DGKB: variants seen among roughly 807,000 people sequenced by gnomAD.
DGKB encodes 90 kDa diacylglycerol kinase.
DGKB carries 67 observed loss-of-function variants against 114.3 expected under a neutral mutation model. The ratio of observed to expected loss-of-function variants is 0.59; its 90% CI spans 0.48 to 0.72. DGKB has a LOEUF of 0.72. DGKB is among the 30% of genes least tolerant of loss of function. The pLI is 0.00. For synonymous variants in DGKB, 398 were observed against 323.1 expected (o/e 1.23, Z -2.49); for missense variants, 907 against 975.2 (o/e 0.93, Z 0.93).
At chr7:14,171,312 T>C (rs1285607637) in intron 25 of DGKB, among the ~76,000 whole-genome samples, 1 of 152,202 alleles carries the variant, frequency 6.6e-6, no homozygotes, top group East Asian at 1.9e-4. Context: ...GTATAATCTG[T>C]TCATGATTTC....
intron 1 of DGKB, among the ~76,000 whole-genome samples, chr7:14,916,567 G>C (rs1027728227): frequency 2.0e-5 from 3 of 152,062 alleles, no homozygotes; most frequent in Non-Finnish European, 4.4e-5. Flanking sequence ...CATTACATAA[G>C]GATGAAGTTG....
chr7:14,403,471 T>A lies in DGKB; in HGVS notation c.1836-58080A>T, dbSNP rs973938783. On this transcript the variant is annotated intron_variant, in intron 21 of 25. Coordinates refer to ENST00000402815, the MANE Select transcript of DGKB (RefSeq NM_001350709.2). Reference sequence around the variant, plus strand: ...ACATTCAATTTTCTTTATCTTCTCTTCCTCTCATTCTCCTATGATATATGT... The same window carrying A: ...ACATTCAATTTTCTTTATCTTCTCTACCTCTCATTCTCCTATGATATATGT... Among the ~76,000 whole-genome samples the A allele has an allele frequency of 1.2e-4, 18 of 152,028 alleles. No individual in the cohort carries two copies. In the South Asian group the frequency reaches 2.1e-3, roughly 18 times the overall value.
chr7:14,486,340 T>G (rs181969403), intron 20 of DGKB, among the ~76,000 whole-genome samples: 298 of 152,308 alleles, frequency 2.0e-3, no homozygotes, highest in African/African-American at 6.9e-3. Flanking sequence ...TCTTTTTAAA[T>G]GACTACCAAA....
chr7:14,501,900 G>A (rs1786241066), intron 20 of DGKB, among the ~76,000 whole-genome samples: 1 of 151,832 alleles, frequency 6.6e-6, no homozygotes. Context: ...TAAATAATGG[G>A]GTCTGGACTT....
intron 1 of DGKB, among the ~76,000 whole-genome samples, chr7:14,948,361 T>G (rs1727821906): frequency 6.6e-6 from 1 of 151,842 alleles, no homozygotes; most frequent in Admixed American, 6.6e-5. Context: ...AGCCTCTGCA[T>G]GAACTACAAC....
At chr7:14,524,599 T>C (rs776537927) in intron 20 of DGKB, among the ~76,000 whole-genome samples, 7 of 151,744 alleles carry the variant, frequency 4.6e-5, no homozygotes, top group African/African-American at 7.3e-5. Flanking sequence ...CTACTAAAAA[T>C]AGAAAAGTCA....
chr7:14,789,192 A>C (rs1161672497), intron 2 of DGKB, among the ~76,000 whole-genome samples: 1 of 152,086 alleles, frequency 6.6e-6, no homozygotes, highest in Non-Finnish European at 1.5e-5. Context: ...AATGTCTTGC[A>C]AAATTACAGT....
intron 21 of DGKB, among the ~76,000 whole-genome samples, chr7:14,415,338 T>C (rs1273959385): frequency 1.3e-5 from 2 of 152,148 alleles, no homozygotes; most frequent in African/African-American, 4.8e-5. Context: ...GTTACATATG[T>C]ATACATGTGC....
At chr7:14,491,014 T>C (rs1289577993) in intron 20 of DGKB, among the ~76,000 whole-genome samples, 1 of 151,994 alleles carries the variant, frequency 6.6e-6, no homozygotes, top group Non-Finnish European at 1.5e-5. Flanking sequence ...AGAATAGATC[T>C]GAGTTTAAGG....
At chr7:14,739,832 T>C (rs1832293642) in intron 4 of DGKB, among the ~76,000 whole-genome samples, 1 of 152,194 alleles carries the variant, frequency 6.6e-6, no homozygotes. Flanking sequence ...CCCAGGACTG[T>C]AATGGCACCT....
At chr7:14,310,035 G>A (rs1340812845) in intron 23 of DGKB, among the ~76,000 whole-genome samples, 1 of 152,164 alleles carries the variant, frequency 6.6e-6, no homozygotes, top group Non-Finnish European at 1.5e-5. Context: ...GAAAATTTAT[G>A]GCTCACATTG....
chr7:14,261,246 G>GAA (rs199583347), intron 23 of DGKB, among the ~76,000 whole-genome samples: 1 of 139,640 alleles, frequency 7.2e-6, no homozygotes, highest in African/African-American at 2.6e-5. Flanking sequence ...TCATTTCAGT[G>GAA]AAAAAAAAAA....
intron 1 of DGKB, among the ~76,000 whole-genome samples, chr7:14,935,183 G>A (rs1245651422): frequency 2.6e-5 from 4 of 152,110 alleles, no homozygotes; most frequent in African/African-American, 9.7e-5. Context: ...TCTGTGAATT[G>A]TGGCTGTTTT....
chr7:14,679,270 C>G (rs1223614104), intron 12 of DGKB, among the ~76,000 whole-genome samples: 1 of 152,012 alleles, frequency 6.6e-6, no homozygotes, highest in Non-Finnish European at 1.5e-5. Context: ...TTACTAAGCA[C>G]TTAATATGTA....
At chr7:14,603,573 TAGG>T (rs1420168247) in intron 17 of DGKB, among the ~76,000 whole-genome samples, 2 of 152,230 alleles carry the variant, frequency 1.3e-5, no homozygotes, top group South Asian at 2.1e-4. Context: ...TTTATTTTAA[TAGG>T]AGAATATATT....
chr7:14,326,449 C>T (rs1199816297), intron 23 of DGKB, among the ~76,000 whole-genome samples: 1 of 152,104 alleles, frequency 6.6e-6, no homozygotes, highest in Non-Finnish European at 1.5e-5. Flanking sequence ...TGGAGCGGTG[C>T]TACAAGGTCA....
At chr7:14,863,806 C>A (rs986835882) in intron 1 of DGKB, among the ~76,000 whole-genome samples, 1 of 151,806 alleles carries the variant, frequency 6.6e-6, no homozygotes, top group African/African-American at 2.4e-5. Context: ...AAAAAATTAA[C>A]TTAAAAATGG....
chr7:14,720,495 G>A (rs1467003121), intron 5 of DGKB, among the ~76,000 whole-genome samples: 7 of 149,856 alleles, frequency 4.7e-5, no homozygotes, highest in Non-Finnish European at 1.0e-4. Context: ...GTGTGTGTGT[G>A]TGTGTGTGTG....
chr7:14,181,510 C>A (rs1183451499), intron 23 of DGKB, among the ~76,000 whole-genome samples: 1 of 152,118 alleles, frequency 6.6e-6, no homozygotes, highest in Non-Finnish European at 1.5e-5. Flanking sequence ...CCAAAAGTTT[C>A]CAAATAATTT....
Sources: gnomAD v4.1 joint callset for allele counts (sites outside exome capture counted in the v4.1 genomes callset) on GRCh38, gnomAD v4.1.1 for gene constraint, MANE v1.5 for transcripts, NCBI Gene and HGNC (gene_info 2026-07-23, HGNC 2026-07-21) for gene names.